PPP6R2: variants seen among roughly 807,000 people sequenced by gnomAD.
PPP6R2 encodes the protein serine/threonine-protein phosphatase 6 regulatory subunit 2.
In PPP6R2, 62 loss-of-function variants were observed where a neutral mutation model predicts 100.2. That is an observed-to-expected ratio of 0.62 (90% confidence interval 0.50 to 0.76). PPP6R2 has a LOEUF of 0.76. Among genes scored for constraint, PPP6R2 ranks in the 30% least tolerant of loss-of-function variants. The pLI is 0.00. For synonymous variants in PPP6R2, 525 were observed against 514.7 expected, an observed-to-expected ratio of 1.02 and a Z score of -0.27; for missense variants, 1,142 against 1,276.3, an observed-to-expected ratio of 0.89 and a Z score of 1.60.
chr22:50,387,203 A>G (rs1447697025), intron 2 of PPP6R2, among the ~76,000 whole-genome samples: 1 of 152,094 alleles, frequency 6.6e-6, no homozygotes, highest in Non-Finnish European at 1.5e-5. Context: ...CTGAGATGAT[A>G]GTCCCACACC....
chr22:50,400,978 A>G (rs1026831210), intron 3 of PPP6R2, among the ~76,000 whole-genome samples: 1 of 152,088 alleles, frequency 6.6e-6, no homozygotes, highest in African/African-American at 2.4e-5. Context: ...AATGTTTTGT[A>G]CTTTGCCTTT....
chr22:50,384,469 C>G (rs1373530468), intron 2 of PPP6R2, among the ~76,000 whole-genome samples: 1 of 152,116 alleles, frequency 6.6e-6, no homozygotes, highest in Non-Finnish European at 1.5e-5. Context: ...GCAGGAGAAT[C>G]GCTTGAACTT....
At chr22:50,356,770 A>G (rs1203344653) in intron 1 of PPP6R2, among the ~76,000 whole-genome samples, 1 of 151,966 alleles carries the variant, frequency 6.6e-6, no homozygotes, top group African/African-American at 2.4e-5. Context: ...CCCCGTCTCT[A>G]CAAAAAATAA....
intron 2 of PPP6R2, among the ~76,000 whole-genome samples, chr22:50,391,659 A>G (rs1403108953): frequency 6.6e-6 from 1 of 151,394 alleles, no homozygotes. Context: ...TTTGCATTTA[A>G]TGCATTTATT....
intron 12 of PPP6R2, among the ~76,000 whole-genome samples, chr22:50,433,358 G>A (rs1215138355): frequency 9.5e-5 from 9 of 94,570 alleles, no homozygotes; most frequent in Admixed American, 1.1e-4. Context: ...GGCTGGGGGC[G>A]CGGACGCTGG....
rs199657774 is a variant in PPP6R2 at position 50,422,396 on chromosome 22, G to T, written c.972+16G>T. Reference sequence around the variant, plus strand: ...CCCGCCCAAGGTAAATGGCCGTGGCGACTGCTGAGTGCCTTTGGAGGCGTC... The same window carrying T: ...CCCGCCCAAGGTAAATGGCCGTGGCTACTGCTGAGTGCCTTTGGAGGCGTC... On this transcript the variant is annotated intron_variant, in intron 9 of 23. Transcript: ENST00000612753. The T allele has an allele frequency of 9.9e-6, 16 of 1,613,152 alleles. No homozygotes were observed. Among genetic ancestry groups the T allele is most frequent in the Non-Finnish European group, 1.0e-5 (12 of 1,179,536 alleles).
intron 3 of PPP6R2, among the ~76,000 whole-genome samples, chr22:50,404,964 G>A (rs575084607): frequency 1.3e-5 from 2 of 152,270 alleles, no homozygotes; most frequent in African/African-American, 4.8e-5. Context: ...CTCCTGGGGC[G>A]ATGGCTGTCA....
chr22:50,388,717 C>A (rs1466100190), intron 2 of PPP6R2, among the ~76,000 whole-genome samples: 1 of 151,994 alleles, frequency 6.6e-6, no homozygotes, highest in South Asian at 2.1e-4. Context: ...AATAAAAATA[C>A]AAAAGTTAGC....
At chr22:50,356,113 C>T (rs1305386828) in intron 1 of PPP6R2, among the ~76,000 whole-genome samples, 2 of 151,542 alleles carry the variant, frequency 1.3e-5, no homozygotes, top group African/African-American at 4.8e-5. Context: ...CAGGCGCCCG[C>T]CACCACGCCC....
At chr22:50,389,692 G>A (rs1378489134) in intron 2 of PPP6R2, among the ~76,000 whole-genome samples, 21 of 151,808 alleles carry the variant, frequency 1.4e-4, no homozygotes, top group Admixed American at 1.4e-3. Context: ...TCCACTTCCT[G>A]GGTTCCAGTG....
intron 7 of PPP6R2, 34 bp downstream of exon 7, chr22:50,419,013 T>C (rs1255046689): frequency 1.3e-6 from 2 of 1,534,820 alleles, no homozygotes. Context: ...CTGGTGGGCC[T>C]CCCTTTCTGG....
intron 1 of PPP6R2, among the ~76,000 whole-genome samples, chr22:50,355,711 C>T (rs1232754224): frequency 3.4e-5 from 5 of 146,066 alleles, no homozygotes; most frequent in South Asian, 2.2e-4. Context: ...TTAGTAGAGA[C>T]GGGGTTTCAC....
chr22:50,434,129 T>C (rs2063683831), intron 12 of PPP6R2, among the ~76,000 whole-genome samples: 4 of 50,476 alleles, frequency 7.9e-5, no homozygotes, highest in Non-Finnish European at 1.2e-4. Context: ...GCCGGGCATT[T>C]GCTCTGGAGG....
chr22:50,385,814 C>CCT (rs2054122568), intron 2 of PPP6R2, among the ~76,000 whole-genome samples: 1 of 75,398 alleles, frequency 1.3e-5, no homozygotes, highest in African/African-American at 7.1e-5. Context: ...CCGCGCCCAG[C>CCT]TTTTTTTTTT....
intron 1 of PPP6R2, among the ~76,000 whole-genome samples, chr22:50,348,772 T>C (rs1244849197): frequency 1.3e-5 from 2 of 152,110 alleles, no homozygotes; most frequent in African/African-American, 4.8e-5. Flanking sequence ...TGGCTATTTA[T>C]TTAAAAGCAC....
chr22:50,374,117 G>A (rs1432469618), intron 2 of PPP6R2, among the ~76,000 whole-genome samples: 6 of 152,108 alleles, frequency 3.9e-5, no homozygotes, highest in Admixed American at 6.6e-5. Context: ...CTCCTGGGCC[G>A]AAGTGATCCT....
intron 1 of PPP6R2, among the ~76,000 whole-genome samples, chr22:50,363,221 G>A (rs759322656): frequency 4.1e-4 from 63 of 152,280 alleles, no homozygotes; most frequent in Non-Finnish European, 8.4e-4. Flanking sequence ...CTCTTGTGCT[G>A]CAGCCTTCAC....
In PPP6R2 at chr22:50,431,346, G is replaced by A. The variant is rs774655991; in HGVS notation, c.1299G>A (p.Pro433=). Residue 433 remains proline, a synonymous_variant, in exon 11 of 24, where the codon CCG becomes CCA. Coordinates refer to ENST00000612753, the MANE Select transcript of PPP6R2 (RefSeq NM_001242898.2). This position sits in a 1 kb window ranked among gnomAD's most constrained non-coding sequence, Gnocchi z 4.8. ...ACCGGAGCCTGGAGACTCCCCAGCCGGCCGCCAGCCTCCCTGACAACACAA... is the reference window on the plus strand; with the variant it reads ...ACCGGAGCCTGGAGACTCCCCAGCCAGCCGCCAGCCTCCCTGACAACACAA... ...NGNRSLETPQ[P]AASLPDNTMV... is the part of the protein sequence containing the mutation. The A allele has an allele frequency of 1.1e-4, 180 of 1,612,758 alleles. No homozygotes were observed. Among genetic ancestry groups the A allele is most frequent in the Non-Finnish European group, 1.4e-4 (170 of 1,179,976 alleles).
intron 3 of PPP6R2, among the ~76,000 whole-genome samples, chr22:50,403,419 C>T (rs1286045869): frequency 6.6e-6 from 1 of 152,218 alleles, no homozygotes; most frequent in Non-Finnish European, 1.5e-5. Flanking sequence ...TGGCCCTCCT[C>T]TCCTGCTCTC....
Sources: gnomAD v4.1 joint callset for allele counts (sites outside exome capture counted in the v4.1 genomes callset) on GRCh38, gnomAD v4.1.1 for gene constraint, Gnocchi (gnomAD v3.1) non-coding constraint, MANE v1.5 for transcripts, NCBI Gene and HGNC (gene_info 2026-07-23, HGNC 2026-07-21) for gene names.